CAMKMT: variants seen among roughly 807,000 people sequenced by gnomAD.
CAMKMT encodes CaM KMT.
In CAMKMT, 53 loss-of-function variants were observed where a neutral mutation model predicts 48.0. The observed-to-expected ratio is 1.10, with a 90% confidence interval of 0.89 to 1.39. The LOEUF (loss-of-function observed/expected upper bound fraction) is 1.39. CAMKMT is among the 40% of genes most tolerant of loss of function. The pLI is 0.00. For missense variants in CAMKMT, 428 were observed against 402.7 expected (o/e 1.06, Z -0.54); for synonymous variants, 165 against 152.3 (o/e 1.08, Z -0.61).
At chr2:44,446,097 C>G (rs886112796) in intron 3 of CAMKMT, among the ~76,000 whole-genome samples, 11 of 152,184 alleles carry the variant, frequency 7.2e-5, no homozygotes, top group African/African-American at 1.9e-4. Context: ...CAGGTGTGTG[C>G]TACCACACCC....
chr2:44,693,260 G>A (rs1214760910), intron 3 of CAMKMT, among the ~76,000 whole-genome samples: 2 of 152,168 alleles, frequency 1.3e-5, no homozygotes, highest in Non-Finnish European at 2.9e-5. Flanking sequence ...GTCATACCAC[G>A]ATGCTGCCTA....
chr2:44,708,829 A>G (rs1372324201), intron 6 of CAMKMT, among the ~76,000 whole-genome samples: 1 of 151,906 alleles, frequency 6.6e-6, no homozygotes, highest in Non-Finnish European at 1.5e-5. Flanking sequence ...GGGTGGGGGG[A>G]GCAGGATTAT....
chr2:44,770,867 A>G (rs1681076845), intron 10 of CAMKMT, among the ~76,000 whole-genome samples: 1 of 152,258 alleles, frequency 6.6e-6, no homozygotes, highest in Non-Finnish European at 1.5e-5. Flanking sequence ...TCTGTCTAAG[A>G]AAACAGAATG....
At chr2:44,527,242 A>T (rs568760949) in intron 3 of CAMKMT, among the ~76,000 whole-genome samples, 1 of 146,628 alleles carries the variant, frequency 6.8e-6, no homozygotes, top group Non-Finnish European at 1.5e-5. Flanking sequence ...ACTACAGGTG[A>T]ACGCCACCAT....
At chr2:44,722,647 G>T (rs1180113160) in intron 7 of CAMKMT, among the ~76,000 whole-genome samples, 1 of 152,018 alleles carries the variant, frequency 6.6e-6, no homozygotes. Flanking sequence ...GCACTTGAAA[G>T]TATGTAAGTT....
chr2:44,739,284 G>A (rs573428734), intron 7 of CAMKMT, among the ~76,000 whole-genome samples: 1 of 152,278 alleles, frequency 6.6e-6, no homozygotes, highest in East Asian at 1.9e-4. Context: ...TTTAGACTGG[G>A]GAGAGCAGTA....
At chr2:44,583,328 C>A (rs1572852896) in intron 3 of CAMKMT, among the ~76,000 whole-genome samples, 1 of 152,132 alleles carries the variant, frequency 6.6e-6, no homozygotes, top group Non-Finnish European at 1.5e-5. Flanking sequence ...GTAAGACAGG[C>A]ATTAAGTGAC....
rs536153290 is a variant in CAMKMT, at chr2:44,490,885, C to G, written c.376+100580C>G. On this transcript the variant is annotated intron_variant, in intron 3 of 10. Coordinates refer to ENST00000378494, the MANE Select transcript of CAMKMT (RefSeq NM_024766.5). ...GCAAATGTGGCCAGGTGAGGTGGCTCACACCTGTAATTACAACACTTTGGG... is the reference window on the plus strand; with the variant it reads ...GCAAATGTGGCCAGGTGAGGTGGCTGACACCTGTAATTACAACACTTTGGG... Among the ~76,000 whole-genome samples the G allele has an allele frequency of 1.7e-3, 260 of 152,222 alleles. 1 individual carries two copies. Among genetic ancestry groups the G allele is most frequent in the African/African-American group, 5.8e-3 (242 of 41,534 alleles).
At chr2:44,485,541 C>G (rs941607416) in intron 3 of CAMKMT, among the ~76,000 whole-genome samples, 7 of 152,118 alleles carry the variant, frequency 4.6e-5, no homozygotes, top group African/African-American at 1.4e-4. Context: ...ATAGAGTGTA[C>G]TTACACAAAC....
intron 3 of CAMKMT, among the ~76,000 whole-genome samples, chr2:44,599,388 C>A (rs1022781055): frequency 5.3e-5 from 8 of 152,110 alleles, no homozygotes; most frequent in Non-Finnish European, 8.8e-5. Context: ...TAGGAACCAA[C>A]CTCTGTCAAC....
At chr2:44,384,163 C>T (rs1680540006) in intron 2 of CAMKMT, among the ~76,000 whole-genome samples, 1 of 152,126 alleles carries the variant, frequency 6.6e-6, no homozygotes, top group Admixed American at 6.6e-5. Context: ...TGATTATAGC[C>T]ATTCTTGCAG....
intron 3 of CAMKMT, among the ~76,000 whole-genome samples, chr2:44,508,100 C>T (rs995378445): frequency 3.3e-5 from 5 of 152,168 alleles, no homozygotes; most frequent in Non-Finnish European, 5.9e-5. Context: ...AATGTAATGA[C>T]CTTGTCTTGA....
intron 3 of CAMKMT, among the ~76,000 whole-genome samples, chr2:44,493,107 G>A (rs1487957783): frequency 6.6e-6 from 1 of 151,884 alleles, no homozygotes; most frequent in African/African-American, 2.4e-5. Context: ...ATGCTGGCCA[G>A]GCTGGTCTCG....
rs1218157781 is a variant in CAMKMT at position 44,510,283 on chromosome 2, T to G, written c.376+119978T>G. Among the ~76,000 whole-genome samples the G allele has an allele frequency of 2.6e-5, 4 of 152,238 alleles. No homozygotes were observed. The South Asian group carries it at 6.2e-4, about 24-fold the overall frequency. The stretch of plus-strand genomic sequence containing the variant: ...TCTGTCTTTCACGGCCTTGATACTT[T>G]AAAGAGTACTAGTCAATTATTTTGT... On this transcript the variant is annotated intron_variant, in intron 3 of 10. Coordinates refer to ENST00000378494, the MANE Select transcript of CAMKMT (RefSeq NM_024766.5).
At chr2:44,712,035 C>G (rs553766124) in intron 6 of CAMKMT, among the ~76,000 whole-genome samples, 1 of 152,130 alleles carries the variant, frequency 6.6e-6, no homozygotes, top group Admixed American at 6.6e-5. Flanking sequence ...CTCTCATCCA[C>G]GAACATAACA....
chr2:44,770,398 G>A (rs546127088), intron 10 of CAMKMT, among the ~76,000 whole-genome samples: 4 of 152,362 alleles, frequency 2.6e-5, no homozygotes, highest in South Asian at 4.1e-4. Context: ...TAGAATCCAA[G>A]TTAAAAGTGA....
intron 3 of CAMKMT, among the ~76,000 whole-genome samples, chr2:44,511,090 C>T (rs698836): frequency 6.6e-6 from 1 of 152,154 alleles, no homozygotes; most frequent in South Asian, 2.1e-4. Context: ...ATCTGCCCGC[C>T]TCAGCCTCCC....
At chr2:44,388,865 T>C (rs1681037195) in intron 2 of CAMKMT, among the ~76,000 whole-genome samples, 1 of 152,002 alleles carries the variant, frequency 6.6e-6, no homozygotes, top group South Asian at 2.1e-4. Flanking sequence ...TGTCTATGGG[T>C]CTCTTAGCTG....
At chr2:44,593,476 C>G (rs1461036654) in intron 3 of CAMKMT, among the ~76,000 whole-genome samples, 2 of 152,114 alleles carry the variant, frequency 1.3e-5, no homozygotes, top group Non-Finnish European at 2.9e-5. Context: ...TCCAGACTTT[C>G]AACTCTGGTA....
Sources: allele counts gnomAD v4.1 joint callset (sites outside exome capture counted in the v4.1 genomes callset), GRCh38; gene constraint gnomAD v4.1.1; transcripts MANE v1.5; gene names NCBI Gene and HGNC (gene_info 2026-07-23, HGNC 2026-07-21).